Variants in ING5 observed in about 807,000 individuals in gnomAD.
ING5 encodes inhibitor of growth protein 5.
ING5 carries 17 observed loss-of-function variants against 37.4 expected under a neutral mutation model. The ratio of observed to expected loss-of-function variants is 0.45; its 90% CI spans 0.31 to 0.68. The LOEUF is 0.68. Among genes scored for constraint, ING5 ranks in the 30% least tolerant of loss-of-function variants. The probability of loss-of-function intolerance (pLI) is 0.05; values close to 1 mark genes in which losing one functional copy is unlikely to be tolerated. For synonymous variants in ING5, 123 were observed against 116.6 expected (o/e 1.06, Z -0.36); for missense variants, 233 against 311.9 (o/e 0.75, Z 1.91).
chr2:241,693,652 C>CT (rs1185556171), intron 2 of ING5, among the ~76,000 whole-genome samples: 4,970 of 78,362 alleles, frequency 0.063, 589 homozygotes, highest in African/African-American at 0.098. Flanking sequence ...AAATACAACT[C>CT]TTTTTTTTTT....
intron 5 of ING5, chr2:241,719,605 T>C (rs2070374975): frequency 6.5e-7 from 1 of 1,535,868 alleles, no homozygotes; most frequent in African/African-American, 1.4e-5. Context: ...CAGTGCTGTT[T>C]CTCAAGGGTA....
At chr2:241,721,393 G>A in intron 5 of ING5, 1 of 985,504 alleles carries the variant, frequency 1.0e-6, no homozygotes, top group Middle Eastern at 5.2e-4. Flanking sequence ...CAGAGAGAAA[G>A]AGCAGAAGAG....
rs549839614 is a variant in ING5 at position 241,724,933 on chromosome 2, C to T, written c.681-56C>T. 3.7e-5 allele frequency: 58 copies of T among 1,576,482 alleles called. No homozygotes were observed. In the African/African-American group the frequency reaches 4.6e-4, roughly 12 times the overall value. ...GACATGGGGAGGCGGGCCCTGGGCA[C>T]CCTGCGCGCTGGCGGAAATGGCGCC... is the stretch of plus-strand genomic sequence containing the variant. On this transcript the variant is annotated intron_variant, in intron 7 of 7. Coordinates refer to ENST00000313552, the MANE Select transcript of ING5 (RefSeq NM_032329.6).
intron 2 of ING5, among the ~76,000 whole-genome samples, chr2:241,705,365 A>G (rs1280210027): frequency 1.4e-5 from 2 of 138,342 alleles, no homozygotes; most frequent in Non-Finnish European, 3.1e-5. Context: ...AGCGTGAGCC[A>G]CCTCGCCTGG....
intron 1 of ING5, among the ~76,000 whole-genome samples, chr2:241,703,114 TGG>T (rs559185580): frequency 0.015 from 2,230 of 152,084 alleles, 54 homozygotes; most frequent in African/African-American, 0.05. Flanking sequence ...AGAGTCAAGC[TGG>T]GGAGCACGCT....
intron 1 of ING5, among the ~76,000 whole-genome samples, chr2:241,704,216 C>G (rs1467468609): frequency 6.6e-6 from 1 of 152,168 alleles, no homozygotes; most frequent in Non-Finnish European, 1.5e-5. Context: ...GATCACAGTC[C>G]TTCCGCTCCG....
intron 1 of ING5, among the ~76,000 whole-genome samples, chr2:241,688,389 T>G (rs1214588552): frequency 3.3e-5 from 5 of 152,210 alleles, no homozygotes; most frequent in African/African-American, 9.6e-5. Context: ...TTTTTCCCCA[T>G]GAGCTCTTGA....
chr2:241,702,537 G>A (rs1359309445), intron 1 of ING5, among the ~76,000 whole-genome samples: 1 of 151,580 alleles, frequency 6.6e-6, no homozygotes, highest in Non-Finnish European at 1.5e-5. Flanking sequence ...GGGGCTCCGG[G>A]GTCTGGGCCT....
At position 241,727,410 on chromosome 2, in the gene ING5, T is replaced by A. The variant is rs1691664595; in HGVS notation, c.*2379T>A. 1 of 152,132 alleles carries A rather than the reference T, an allele frequency of 6.6e-6. No homozygotes were observed. The highest frequency in any genetic ancestry group is 6.6e-5 in the Admixed American group (1 of 15,262). 9.4% of individuals were successfully genotyped at this position (152,132 alleles called of 1,614,324 possible). ...CTCACTGCAACCTCTGCTTCCTGGG[T>A]TCAAGTGATTCTCTTGCCTTAGCCT... On this transcript the variant is annotated 3_prime_UTR_variant, in exon 8 of 8. Coordinates refer to ENST00000313552, the MANE Select transcript of ING5 (RefSeq NM_032329.6).
At chr2:241,713,218 G>T (rs771576423) in intron 5 of ING5, among the ~76,000 whole-genome samples, 4 of 150,828 alleles carry the variant, frequency 2.7e-5, no homozygotes, top group Non-Finnish European at 5.9e-5. Context: ...CACCATGCCC[G>T]GCTAAGTTTT....
Position 241,728,267 on chromosome 2 carries a change from G to C in ING5, c.*3236G>C, listed in dbSNP as rs2124965173. 1 of 152,826 alleles carries C rather than the reference G, an allele frequency of 6.5e-6. No individual in the cohort carries two copies. The highest frequency in any genetic ancestry group is 1.5e-5 in the Non-Finnish European group (1 of 68,178). 9.5% of individuals were successfully genotyped at this position (152,826 alleles called of 1,614,324 possible). On this transcript the variant is annotated 3_prime_UTR_variant, in exon 8 of 8. Coordinates refer to ENST00000313552, the MANE Select transcript of ING5 (RefSeq NM_032329.6). ...ACACCATTTGCACCATCCACGCCTT[G>C]CTCCAGAAGGCCTGGCCGCCTTCTC...
intron 2 of ING5, among the ~76,000 whole-genome samples, chr2:241,692,233 AC>A (rs1234506728): frequency 6.6e-6 from 1 of 151,980 alleles, no homozygotes; most frequent in Non-Finnish European, 1.5e-5. Context: ...GATTACAGTT[AC>A]CCTTAACTGC....
chr2:241,689,904 ACCAC>A (rs1295971606), exon 2 of ING5: 57 of 141,126 alleles, frequency 4.0e-4, no homozygotes, highest in Non-Finnish European at 7.2e-4. Context: ...AGTAAGGAAG[ACCAC>A]CTTCCAGAGG....
At chr2:241,690,955 C>A (rs2069543631) in intron 2 of ING5, among the ~76,000 whole-genome samples, 1 of 151,408 alleles carries the variant, frequency 6.6e-6, no homozygotes, top group Non-Finnish European at 1.5e-5. Context: ...TTACAGGCGC[C>A]CGCCACAACA....
At chr2:241,706,106 C>G (rs952318831) in intron 2 of ING5, among the ~76,000 whole-genome samples, 3 of 152,158 alleles carry the variant, frequency 2.0e-5, no homozygotes, top group African/African-American at 7.2e-5. Context: ...CCTGACAGTT[C>G]TGTGTGTGCT....
At chr2:241,722,516 G>A (rs895463025) in intron 5 of ING5, 2 of 985,328 alleles carry the variant, frequency 2.0e-6, no homozygotes, top group African/African-American at 3.5e-5. Flanking sequence ...GCTGCCAGCT[G>A]CTGCTGTTCC....
At chr2:241,711,937 A>G (rs763725370) in intron 4 of ING5, 41 bp from the exon 5 acceptor site, 2 of 1,509,470 alleles carry the variant, frequency 1.3e-6, no homozygotes, top group East Asian at 2.4e-5. Flanking sequence ...CTTGCTTTAG[A>G]GAATTCTATA....
At chr2:241,704,949 C>G (rs1299998416) in intron 2 of ING5, among the ~76,000 whole-genome samples, 4 of 152,236 alleles carry the variant, frequency 2.6e-5, no homozygotes, top group African/African-American at 9.6e-5. Flanking sequence ...TTTTTATAAC[C>G]ATCACCCTTT....
At chr2:241,689,805 C>T (rs1052499117) in intron 1 of ING5, 1 of 152,154 alleles carries the variant, frequency 6.6e-6, no homozygotes, top group African/African-American at 2.4e-5. Flanking sequence ...TGATTGATGT[C>T]TCCTTATAAA....
Sources: allele counts gnomAD v4.1 joint callset (sites outside exome capture counted in the v4.1 genomes callset), GRCh38; gene constraint gnomAD v4.1.1; transcripts MANE v1.5; gene names NCBI Gene and HGNC (gene_info 2026-07-23, HGNC 2026-07-21).